The following TBC1D8 variants were observed in gnomAD, a reference collection of about 807,000 sequenced individuals.
TBC1D8 encodes BUB2-like protein 1.
A neutral mutation model predicts 118.8 loss-of-function variants in TBC1D8; 65 were observed. The ratio of observed to expected loss-of-function variants is 0.55; its 90% confidence interval spans 0.45 to 0.67. The LOEUF (loss-of-function observed/expected upper bound fraction) is 0.67. Among genes scored for constraint, TBC1D8 ranks in the 30% least tolerant of loss-of-function variants. The pLI is 0.00. For missense variants in TBC1D8, 1,376 were observed against 1,471.2 expected (o/e 0.94, Z 1.06); for synonymous variants, 566 against 595.8 (o/e 0.95, Z 0.73).
intron 1 of TBC1D8, among the ~76,000 whole-genome samples, chr2:101,137,838 C>A (rs1678923607): frequency 6.6e-6 from 1 of 152,098 alleles, no homozygotes; most frequent in South Asian, 2.1e-4. Context: ...ACTCTTTTTG[C>A]CAGGTGAAAA....
At chr2:101,087,426 C>T (rs1675711252) in intron 2 of TBC1D8, among the ~76,000 whole-genome samples, 1 of 151,842 alleles carries the variant, frequency 6.6e-6, no homozygotes, top group African/African-American at 2.4e-5. Context: ...CACCTGAGGT[C>T]AGGAGTTTCA....
chr2:101,021,053 T>G (rs11886914), intron 17 of TBC1D8, among the ~76,000 whole-genome samples: 91,004 of 151,824 alleles, frequency 0.6, 28,045 homozygotes, highest in Middle Eastern at 0.78. Flanking sequence ...GGCTCTAGAA[T>G]CCCCCTCAGT....
intron 18 of TBC1D8, 152 bp from the exon 19 acceptor site, chr2:101,011,178 C>G (rs770470942): frequency 3.9e-6 from 3 of 768,414 alleles, no homozygotes; most frequent in Non-Finnish European, 6.2e-6. Flanking sequence ...CCCTGGAGAG[C>G]CAGTGGGTGG....
chr2:101,080,349 G>A (rs1461638533), intron 2 of TBC1D8, among the ~76,000 whole-genome samples: 2 of 152,012 alleles, frequency 1.3e-5, no homozygotes, highest in African/African-American at 4.8e-5. Context: ...AGCACCCAGG[G>A]TGTTCTGTTC....
chr2:101,036,211 C>A (rs1265313765), intron 8 of TBC1D8, 43 bp from the exon 9 acceptor site: 6 of 1,594,164 alleles, frequency 3.8e-6, no homozygotes, highest in Non-Finnish European at 8.6e-7. Context: ...AGTCTGTCCT[C>A]ACCACCCCCC....
At chr2:101,019,667 T>TGATTTTCTGAAACCATGAAGGAC (rs1679905200) in intron 17 of TBC1D8, 2 of 152,238 alleles carry the variant, frequency 1.3e-5, no homozygotes. Context: ...TCTGAACAAT[T>TGATTTTCTGAAACCATGAAGGAC]GATTTTCTGA....
At position 101,108,283 on chromosome 2, in the gene TBC1D8, A is replaced by C. The variant is rs930043766; in HGVS notation, c.128-17919T>G. Among the ~76,000 whole-genome samples, 5 of 152,150 alleles carry C rather than the reference A, an allele frequency of 3.3e-5. No homozygotes were observed. In the East Asian group the frequency reaches 7.7e-4, roughly 23 times the overall value. Reference sequence around the variant, plus strand: ...TTCTCAAAACTGTGAAGGTCATCCAAAACAGGGAAAGTCTGAGAAACTGTC... The same window carrying C: ...TTCTCAAAACTGTGAAGGTCATCCACAACAGGGAAAGTCTGAGAAACTGTC... On this transcript the variant is annotated intron_variant, in intron 1 of 19. Transcript: ENST00000409318.
intron 19 of TBC1D8, among the ~76,000 whole-genome samples, chr2:101,009,475 C>T (rs918107023): frequency 7.3e-5 from 11 of 151,484 alleles, no homozygotes; most frequent in African/African-American, 2.2e-4. Flanking sequence ...GGAAAAGATC[C>T]ATGGTTATTC....
intron 1 of TBC1D8, among the ~76,000 whole-genome samples, 185 bp from the exon 2 acceptor site, chr2:101,090,549 C>T (rs140610390): frequency 3.8e-4 from 58 of 152,358 alleles, no homozygotes; most frequent in African/African-American, 1.3e-3. Context: ...TCTGCATCCG[C>T]AGCAGGACCT....
chr2:101,016,892 T>G (rs371710875), intron 17 of TBC1D8, among the ~76,000 whole-genome samples: 3 of 147,108 alleles, frequency 2.0e-5, no homozygotes, highest in African/African-American at 5.1e-5. Context: ...CATGGACACA[T>G]GAAGGGGAAC....
rs182184762 is a variant in TBC1D8 at position 101,112,207 on chromosome 2, T to C, written c.128-21843A>G. On this transcript the variant is annotated intron_variant, in intron 1 of 19. Coordinates refer to ENST00000409318, the MANE Select transcript of TBC1D8 (RefSeq NM_001330348.2). ...CAGGGTGATATCATGCTCAAACACA[T>C]GACAGCAAGAACCCTTAGCATCACA... Among the ~76,000 whole-genome samples the C allele has an allele frequency of 2.0e-4, 30 of 152,264 alleles. No homozygotes were observed. The East Asian group carries it at 5.6e-3, about 28-fold the overall frequency.
At chr2:101,097,392 T>C (rs1457320905) in intron 1 of TBC1D8, among the ~76,000 whole-genome samples, 1 of 152,082 alleles carries the variant, frequency 6.6e-6, no homozygotes, top group African/African-American at 2.4e-5. Flanking sequence ...AGAATAAAGG[T>C]AAAATAAAAT....
rs184118901 is a variant in TBC1D8 at position 101,022,434 on chromosome 2, G to T, written c.2608C>A (p.Arg870Ser). The T allele has an allele frequency of 1.2e-6, 2 of 1,612,810 alleles. No individual in the cohort carries two copies. Among genetic ancestry groups the T allele is most frequent in the Non-Finnish European group, 8.5e-7 (1 of 1,179,516 alleles). The change falls in exon 16 of 20, where the codon CGC becomes AGC. Residue 870 changes from arginine to serine, a missense_variant. Transcript: ENST00000409318. ...DPSRPYAEQY[R>S]IDARQFAHLF... ...TGTGCAAACTGCCGGGCATCTATGC[G>T]GTACTGCTCAGCATAGGGCCGGCTG...
chr2:101,095,033 G>A (rs1451943707), intron 1 of TBC1D8, among the ~76,000 whole-genome samples: 6 of 152,244 alleles, frequency 3.9e-5, no homozygotes, highest in Non-Finnish European at 8.8e-5. Flanking sequence ...GAGGCTGAGT[G>A]TGTAAGAAGA....
At chr2:101,037,804 C>T (rs1008931850) in intron 7 of TBC1D8, 96 bp from the exon 8 acceptor site, 11 of 1,479,746 alleles carry the variant, frequency 7.4e-6, no homozygotes, top group South Asian at 4.6e-5. Context: ...TTTGGATGCA[C>T]GGGCATAGCA....
chr2:101,143,285 A>G (rs1156574028), intron 1 of TBC1D8, among the ~76,000 whole-genome samples: 6 of 152,010 alleles, frequency 3.9e-5, no homozygotes, highest in Admixed American at 3.9e-4. Flanking sequence ...CTGGTCTCGA[A>G]CTGCTGACCT....
At chr2:101,041,370 C>T (rs934065475) in intron 5 of TBC1D8, among the ~76,000 whole-genome samples, 3 of 152,184 alleles carry the variant, frequency 2.0e-5, no homozygotes, top group Admixed American at 6.5e-5. Flanking sequence ...GAATGAAGTA[C>T]TGATGAGTGC....
Position 101,054,316 on chromosome 2 carries a change from G to A in TBC1D8, c.423C>T (p.Thr141=), listed in dbSNP as rs781654901. The change falls in exon 4 of 20, where the codon ACC becomes ACT. Residue 141 remains threonine, a synonymous_variant. Transcript: ENST00000409318. The part of the protein sequence containing the change: ...GKVKALIAEE[T]SSRLAEQEEE... ...CCTCCTGCTCGGCGAGCCTGCTGCT[G>A]GTCTCCTCGGCTATCAGAGCCTGAC... 3.2e-6 allele frequency: 5 copies of A among 1,566,600 alleles called. No individual in the cohort carries two copies. In the South Asian group the frequency reaches 5.9e-5, roughly 18 times the overall value.
At chr2:101,048,698 G>A (rs1681860220) in intron 5 of TBC1D8, among the ~76,000 whole-genome samples, 1 of 149,994 alleles carries the variant, frequency 6.7e-6, no homozygotes, top group Non-Finnish European at 1.5e-5. Context: ...ATTGAGAAAA[G>A]ACAGAGGACA....
Sources: gnomAD v4.1 joint callset for allele counts (sites outside exome capture counted in the v4.1 genomes callset) on GRCh38, gnomAD v4.1.1 for gene constraint, MANE v1.5 for transcripts, NCBI Gene and HGNC (gene_info 2026-07-23, HGNC 2026-07-21) for gene names.